MLF1: variants seen among roughly 807,000 people sequenced by gnomAD.
MLF1 encodes myelodysplasia-myeloid leukemia factor 1.
In MLF1, 37 loss-of-function variants were observed where a neutral mutation model predicts 38.3. That is an observed-to-expected ratio of 0.96 (90% CI 0.74 to 1.27). The LOEUF (loss-of-function observed/expected upper bound fraction) is 1.27. MLF1 is among the 50% of genes most tolerant of loss of function. The pLI is 0.00. For missense variants in MLF1, 331 were observed against 349.2 expected (o/e 0.95, Z 0.42); for synonymous variants, 95 against 106.5 (o/e 0.89, Z 0.66).
chr3:158,596,841 A>G (rs1718949353), intron 3 of MLF1, 21 bp from the exon 4 acceptor site: 2 of 1,545,514 alleles, frequency 1.3e-6, no homozygotes, highest in Non-Finnish European at 1.8e-6. Context: ...AGTTAATAAC[A>G]TACTTCCTGA....
At chr3:158,593,067 C>G (rs1350895427) in intron 2 of MLF1, among the ~76,000 whole-genome samples, 1 of 151,798 alleles carries the variant, frequency 6.6e-6, no homozygotes, top group East Asian at 1.9e-4. Flanking sequence ...AAAAGCCTTA[C>G]AACTGAAATA....
At chr3:158,575,308 C>T (rs1363419118) in intron 1 of MLF1, among the ~76,000 whole-genome samples, 1 of 152,060 alleles carries the variant, frequency 6.6e-6, no homozygotes, top group Non-Finnish European at 1.5e-5. Context: ...AAAATAGTGG[C>T]CAGAACTCTG....
intron 1 of MLF1, among the ~76,000 whole-genome samples, chr3:158,578,236 TGGAAG>T (rs2108561130): frequency 6.6e-6 from 1 of 152,228 alleles, no homozygotes; most frequent in South Asian, 2.1e-4. Flanking sequence ...CCATGTATAA[TGGAAG>T]GGAGGAATTT....
Position 158,602,926 on chromosome 3 carries a change from G to A in MLF1, c.733G>A (p.Glu245Lys), listed in dbSNP as rs754281469. ...TGGCCATGAGAATCCTGGCTCCCGA[G>A]AACTTAAAAGAAGGTAAAAGTTGTT... Reference protein sequence around the residue: ...SVGHENPGSRELKRREKPQQS... With the variant: ...SVGHENPGSRKLKRREKPQQS... Residue 245 changes from glutamate (E) to lysine (K), a missense_variant, in exon 7 of 8, where the codon GAA (glutamate) becomes AAA (lysine). Transcript: ENST00000466246. 1 of 1,610,134 alleles carries A rather than the reference G, an allele frequency of 6.2e-7. No homozygotes were observed.
Position 158,571,299 on chromosome 3 carries a change from G to T in MLF1, c.-2G>T. The T allele has an allele frequency of 6.2e-7, 1 of 1,612,092 alleles. No individual in the cohort carries two copies. ...GCTGCCGCCACCCAAGACAGAGCCA[G>T]AATGTTCAGGATGCTGAACAGCAGT... On this transcript the variant is annotated 5_prime_UTR_variant, in exon 1 of 8. Transcript: ENST00000466246.
chr3:158,577,210 C>G (rs1715600509), intron 1 of MLF1, among the ~76,000 whole-genome samples: 1 of 152,160 alleles, frequency 6.6e-6, no homozygotes, highest in Non-Finnish European at 1.5e-5. Flanking sequence ...GTCCTATCCA[C>G]TGATGGAGTT....
intron 1 of MLF1, chr3:158,588,745 T>C (rs557647311): frequency 2.8e-6 from 1 of 355,264 alleles, no homozygotes; most frequent in Non-Finnish European, 5.5e-6. Context: ...AAAAAACAGA[T>C]ATTTATAGAT....
chr3:158,580,408 CA>C (rs1405740310), intron 1 of MLF1, among the ~76,000 whole-genome samples: 1 of 144,984 alleles, frequency 6.9e-6, no homozygotes, highest in East Asian at 2.3e-4. Context: ...TTTTGGAAAA[CA>C]AAAAACGACT....
At chr3:158,583,248 A>G (rs767753892) in intron 1 of MLF1, among the ~76,000 whole-genome samples, 22 of 152,286 alleles carry the variant, frequency 1.4e-4, no homozygotes, top group South Asian at 1.2e-3. Flanking sequence ...TATTGCCCCC[A>G]GGTGCTATTT....
At chr3:158,592,254 C>T (rs1718262094) in intron 1 of MLF1, among the ~76,000 whole-genome samples, 180 bp from the exon 2 acceptor site, 2 of 152,106 alleles carry the variant, frequency 1.3e-5, no homozygotes, top group Non-Finnish European at 2.9e-5. Flanking sequence ...AGGGAACCAT[C>T]TAATAATGGA....
chr3:158,587,355 G>T (rs987115058), intron 1 of MLF1, among the ~76,000 whole-genome samples: 1 of 152,126 alleles, frequency 6.6e-6, no homozygotes, highest in African/African-American at 2.4e-5. Context: ...ATGTACTTGG[G>T]GTACGAGAAG....
At position 158,605,684 on chromosome 3, in the gene MLF1, A is replaced by T. The variant is rs1209783529; in HGVS notation, c.*482A>T. On this transcript the variant is annotated 3_prime_UTR_variant, in exon 8 of 8. Transcript: ENST00000466246. ...GTGTTGTAAAGCCAACTAGCTTAAA[A>T]CTTTAAAAATAATAAAGCAAAACTA... is the stretch of plus-strand genomic sequence containing the variant. 5.4e-6 allele frequency: 1 copy of T among 184,188 alleles called. No individual in the cohort carries two copies. The highest frequency in any genetic ancestry group is 1.1e-5 in the Non-Finnish European group (1 of 86,974). The allele number at this position is 184,188 out of a possible 1,614,324, so 11.4% of individuals were successfully genotyped here.
At chr3:158,582,989 C>A in intron 1 of MLF1, 1 of 615,540 alleles carries the variant, frequency 1.6e-6, no homozygotes. Flanking sequence ...ACAGTTTGTT[C>A]AAATAATAAT....
chr3:158,573,971 A>AT lies in MLF1; in HGVS notation c.47+2632dup, dbSNP rs529984751. On this transcript the variant is annotated intron_variant, in intron 1 of 7. Coordinates refer to ENST00000466246, the MANE Select transcript of MLF1 (RefSeq NM_001369783.1). ...AGGAGGGAGCCACCACACCCTGCTA[A>AT]TTTTTTTTGTAGAGAGGAGGTTTCG... 2.3e-3 allele frequency among the ~76,000 whole-genome samples: 346 copies of AT among 151,808 alleles called. 1 individual carries two copies. Among genetic ancestry groups the AT allele is most frequent in the African/African-American group, 8.2e-3 (340 of 41,406 alleles).
chr3:158,590,687 C>A, intron 1 of MLF1: 1 of 418,528 alleles, frequency 2.4e-6, no homozygotes, highest in Non-Finnish European at 4.7e-6. Flanking sequence ...GAAGACCAAA[C>A]TATAATGACA....
At chr3:158,583,034 CTA>C (rs1716655458) in intron 1 of MLF1, 1 of 548,546 alleles carries the variant, frequency 1.8e-6, no homozygotes, top group Non-Finnish European at 3.2e-6. Flanking sequence ...GAATGCCAAT[CTA>C]CCTCTTATAT....
chr3:158,592,968 G>A (rs1349057823), intron 2 of MLF1, among the ~76,000 whole-genome samples: 3 of 151,904 alleles, frequency 2.0e-5, no homozygotes, highest in Non-Finnish European at 2.9e-5. Context: ...AAGCTACAAA[G>A]GATTGTCTTT....
chr3:158,578,505 AACACACACACACAC>A (rs112630390), intron 1 of MLF1, among the ~76,000 whole-genome samples: 1 of 147,284 alleles, frequency 6.8e-6, no homozygotes, highest in Non-Finnish European at 1.5e-5. Context: ...CATACATACA[AACACACACACACAC>A]ACACACACAC....
At chr3:158,581,614 A>G (rs374581861) in intron 1 of MLF1, among the ~76,000 whole-genome samples, 33 of 152,288 alleles carry the variant, frequency 2.2e-4, no homozygotes, top group South Asian at 1.0e-3. Context: ...CTAAAGGTCT[A>G]TTTACTGCAG....
Sources: gnomAD v4.1 joint callset for allele counts (sites outside exome capture counted in the v4.1 genomes callset) on GRCh38, gnomAD v4.1.1 for gene constraint, MANE v1.5 for transcripts, NCBI Gene and HGNC (gene_info 2026-07-23, HGNC 2026-07-21) for gene names.